The following ZNF385B variants were observed in gnomAD, a reference collection of about 807,000 sequenced individuals.
The protein encoded by ZNF385B is zinc finger protein 533.
Under a neutral mutation model 39.2 loss-of-function variants are expected in ZNF385B, and 23 were observed. The ratio of observed to expected loss-of-function variants is 0.59; its 90% CI spans 0.42 to 0.83. The LOEUF is 0.83. Among genes scored for constraint, ZNF385B ranks in the 40% least tolerant of loss-of-function variants. The pLI, the probability that ZNF385B is intolerant of heterozygous loss-of-function variation, is 0.00. For synonymous variants in ZNF385B, 205 were observed against 222.6 expected (o/e 0.92, Z 0.70); for missense variants, 552 against 598.9 (o/e 0.92, Z 0.82).
chr2:179,751,437 T>A (rs1702670399), intron 3 of ZNF385B, among the ~76,000 whole-genome samples: 1 of 152,176 alleles, frequency 6.6e-6, no homozygotes, highest in Non-Finnish European at 1.5e-5. Context: ...TTTAAAGTTC[T>A]TCAAAAATTT....
intron 6 of ZNF385B, among the ~76,000 whole-genome samples, chr2:179,464,488 T>C (rs1410271496): frequency 6.6e-6 from 1 of 152,140 alleles, no homozygotes; most frequent in Non-Finnish European, 1.5e-5. Context: ...CTAGGTCTTA[T>C]GTTTAAGTCT....
chr2:179,710,221 C>T (rs1053114909), intron 3 of ZNF385B, among the ~76,000 whole-genome samples: 12 of 152,148 alleles, frequency 7.9e-5, no homozygotes, highest in Non-Finnish European at 1.2e-4. Context: ...TCTCCTGACA[C>T]AAGGACTAGA....
At chr2:179,633,369 T>C (rs1407241974) in intron 3 of ZNF385B, among the ~76,000 whole-genome samples, 4 of 152,158 alleles carry the variant, frequency 2.6e-5, no homozygotes, top group Non-Finnish European at 4.4e-5. Context: ...TCAAGTCAGC[T>C]TCATCCCTGG....
chr2:179,779,885 T>C (rs1037323110), intron 1 of ZNF385B, among the ~76,000 whole-genome samples: 40 of 152,276 alleles, frequency 2.6e-4, no homozygotes, highest in African/African-American at 9.4e-4. Flanking sequence ...TATTAAAATA[T>C]GATGTTTATA....
At chr2:179,578,327 G>C (rs1314393001) in intron 3 of ZNF385B, among the ~76,000 whole-genome samples, 1 of 152,076 alleles carries the variant, frequency 6.6e-6, no homozygotes, top group East Asian at 1.9e-4. Flanking sequence ...AATGAGTTAT[G>C]TACAAGGTAA....
rs2049323398 is a variant in ZNF385B at position 179,444,947 on chromosome 2, C to A, written c.1171G>T (p.Val391Phe). Residue 391 changes from valine (V) to phenylalanine (F), a missense_variant, in exon 9 of 10, where the codon GTT becomes TTT. Val to Phe is a conservative substitution (Grantham distance 50, BLOSUM62 -1). Coordinates refer to ENST00000410066, the MANE Select transcript of ZNF385B (RefSeq NM_152520.6). ...TTTGGCTTCAGTGGTTTCCCTGCAA[C>A]TCGATCTTTATGCCTTCGGCTAGAA... ...HISSRRHKDR[V>F]AGKPLKPKYS... 6.2e-7 allele frequency: 1 copy of A among 1,614,042 alleles called. No homozygotes were observed. Among genetic ancestry groups the A allele is most frequent in the African/African-American group, 1.3e-5 (1 of 74,926 alleles).
intron 1 of ZNF385B, among the ~76,000 whole-genome samples, chr2:179,795,470 G>T (rs1705601552): frequency 6.6e-6 from 1 of 152,096 alleles, no homozygotes; most frequent in African/African-American, 2.4e-5. Flanking sequence ...ACATCTATGG[G>T]TGCACTGTGG....
chr2:179,668,358 T>C (rs1575154926), intron 3 of ZNF385B, among the ~76,000 whole-genome samples: 1 of 152,240 alleles, frequency 6.6e-6, no homozygotes. Context: ...TATACAGTAG[T>C]CTGTCCTTTT....
intron 5 of ZNF385B, among the ~76,000 whole-genome samples, chr2:179,503,908 G>T: frequency 6.9e-6 from 1 of 144,194 alleles, no homozygotes; most frequent in Non-Finnish European, 1.5e-5. Flanking sequence ...TAAGTTTTAG[G>T]GTACATGTGC....
At chr2:179,518,187 T>G (rs1309916094) in intron 5 of ZNF385B, among the ~76,000 whole-genome samples, 1 of 152,226 alleles carries the variant, frequency 6.6e-6, no homozygotes, top group Non-Finnish European at 1.5e-5. Flanking sequence ...TTCTTAATTT[T>G]TGATCTTAGC....
chr2:179,688,863 T>C (rs1698134421), intron 3 of ZNF385B, among the ~76,000 whole-genome samples: 1 of 152,194 alleles, frequency 6.6e-6, no homozygotes. Flanking sequence ...GATAAATACA[T>C]ACAATTTTAT....
intron 3 of ZNF385B, among the ~76,000 whole-genome samples, chr2:179,711,610 C>T (rs965335558): frequency 4.6e-5 from 7 of 152,100 alleles, no homozygotes; most frequent in Non-Finnish European, 7.3e-5. Context: ...AGATTCATTC[C>T]TTATTTATCA....
intron 5 of ZNF385B, among the ~76,000 whole-genome samples, chr2:179,484,894 C>CCT (rs2054398608): frequency 6.6e-6 from 1 of 151,918 alleles, no homozygotes; most frequent in African/African-American, 2.4e-5. Flanking sequence ...AGGATGCAGG[C>CCT]CTAAGGAAAG....
intron 3 of ZNF385B, chr2:179,562,682 G>A (rs3112931): frequency 0.58 from 423,003 of 731,282 alleles, 125,142 homozygotes; most frequent in East Asian, 0.96. Flanking sequence ...CTGACAAGTG[G>A]CTTTCTTTCA....
chr2:179,807,893 T>TGAAAGAAA (rs139866166), intron 1 of ZNF385B, among the ~76,000 whole-genome samples: 8,112 of 123,542 alleles, frequency 0.066, 355 homozygotes, highest in African/African-American at 0.091. Context: ...AGACTCCGTC[T>TGAAAGAAA]GAAAGAAAGA....
chr2:179,607,934 A>C (rs1282760595), intron 3 of ZNF385B, among the ~76,000 whole-genome samples: 7 of 77,978 alleles, frequency 9.0e-5, no homozygotes, highest in Non-Finnish European at 1.5e-4. Flanking sequence ...TTTTTTTGAG[A>C]TGGGAGTTTT....
intron 3 of ZNF385B, among the ~76,000 whole-genome samples, chr2:179,735,355 T>A (rs1455967594): frequency 1.4e-5 from 2 of 145,628 alleles, no homozygotes; most frequent in South Asian, 2.4e-4. Context: ...CCAGTTAGAA[T>A]GGCAATCATT....
intron 3 of ZNF385B, among the ~76,000 whole-genome samples, chr2:179,726,602 G>C (rs1332172658): frequency 6.6e-6 from 1 of 152,060 alleles, no homozygotes; most frequent in Non-Finnish European, 1.5e-5. Flanking sequence ...TGGCGGCCTA[G>C]TGTTTTTATT....
intron 3 of ZNF385B, among the ~76,000 whole-genome samples, chr2:179,610,267 G>A (rs1310469287): frequency 6.6e-6 from 1 of 152,048 alleles, no homozygotes; most frequent in Non-Finnish European, 1.5e-5. Context: ...TCATTCTTCT[G>A]CATATGTATA....
Sources: allele counts gnomAD v4.1 joint callset (sites outside exome capture counted in the v4.1 genomes callset), GRCh38; gene constraint gnomAD v4.1.1; transcripts MANE v1.5; gene names NCBI Gene and HGNC (gene_info 2026-07-23, HGNC 2026-07-21).